Variants in CFAP52 observed in about 807,000 individuals in gnomAD.
CFAP52 encodes the protein cilia- and flagella-associated protein 52.
A neutral mutation model predicts 70.5 loss-of-function variants in CFAP52; 57 were observed. The ratio of observed to expected loss-of-function variants is 0.81; its 90% confidence interval spans 0.65 to 1.01. The LOEUF (loss-of-function observed/expected upper bound fraction) is 1.01. CFAP52 is among the 50% of genes least tolerant of loss of function. The probability of loss-of-function intolerance (pLI) is 0.00; values close to 1 mark genes in which losing one functional copy is unlikely to be tolerated. For synonymous variants in CFAP52, 267 were observed against 292.5 expected (o/e 0.91, Z 0.89); for missense variants, 785 against 788.5 (o/e 1.00, Z 0.05).
At chr17:9,588,968 T>A (rs1347813882) in intron 3 of CFAP52, among the ~76,000 whole-genome samples, 1 of 151,962 alleles carries the variant, frequency 6.6e-6, no homozygotes, top group East Asian at 1.9e-4. Context: ...CCAGGCATAG[T>A]GCCGGGGCCT....
chr17:9,593,542 A>G (rs1597771279), intron 3 of CFAP52, among the ~76,000 whole-genome samples: 2 of 151,448 alleles, frequency 1.3e-5, no homozygotes, highest in Admixed American at 6.6e-5. Flanking sequence ...TGCGACCTCC[A>G]CCTCCCGGAT....
chr17:9,588,085 G>A (rs974569681), intron 3 of CFAP52, among the ~76,000 whole-genome samples: 4 of 152,148 alleles, frequency 2.6e-5, no homozygotes, highest in African/African-American at 7.2e-5. Flanking sequence ...CATCTGTGAG[G>A]AACATGGCTG....
intron 9 of CFAP52, 23 bp from the exon 10 acceptor site, chr17:9,632,865 C>T: frequency 3.7e-6 from 6 of 1,612,558 alleles, no homozygotes; most frequent in Non-Finnish European, 5.1e-6. Context: ...TCCTGCCTGC[C>T]TTTTGTTTCC....
intron 4 of CFAP52, among the ~76,000 whole-genome samples, chr17:9,596,057 GTGTATATATA>G (rs1243892912): frequency 0.016 from 1,695 of 103,556 alleles, 27 homozygotes; most frequent in African/African-American, 0.038. Flanking sequence ...ATATATGTGT[GTGTATATATA>G]TATATATATA....
chr17:9,605,701 A>G (rs1403214875), intron 6 of CFAP52, among the ~76,000 whole-genome samples: 2 of 98,994 alleles, frequency 2.0e-5, no homozygotes, highest in Admixed American at 9.9e-5. Context: ...TCTGAAAAAA[A>G]AAAAAAAAAA....
intron 9 of CFAP52, among the ~76,000 whole-genome samples, chr17:9,631,944 A>T (rs1376699843): frequency 6.7e-6 from 1 of 149,904 alleles, no homozygotes; most frequent in Admixed American, 6.6e-5. Flanking sequence ...AATTTTTGTA[A>T]TTTTTTTTAG....
chr17:9,637,763 C>T (rs1046966994), intron 11 of CFAP52, among the ~76,000 whole-genome samples: 3 of 152,290 alleles, frequency 2.0e-5, no homozygotes, highest in Non-Finnish European at 2.9e-5. Context: ...TTAGTAGAGA[C>T]GGGGTTTCAC....
chr17:9,608,050 A>G, intron 6 of CFAP52, 69 bp from the exon 7 acceptor site: 1 of 1,294,112 alleles, frequency 7.7e-7, no homozygotes, highest in Non-Finnish European at 1.1e-6. Flanking sequence ...ATTTGGTTAC[A>G]TGAGTACATT....
rs1321282812 is a variant in CFAP52, at chr17:9,643,416, T to C, written c.*218T>C. 2.5e-6 allele frequency: 1 copy of C among 407,372 alleles called. No homozygotes were observed. Among genetic ancestry groups the C allele is most frequent in the Non-Finnish European group, 4.2e-6 (1 of 237,980 alleles). 25.2% of individuals were successfully genotyped at this position (407,372 alleles called of 1,614,324 possible). A position where few individuals can be genotyped will look rare whatever the true frequency, so the allele number is the denominator to read the frequency against. Reference sequence around the variant, plus strand: ...TTTGTGCAGACTCTAATTAGAACTTTTAACATTTTGAATAAATTCTTAGTT... The same window carrying C: ...TTTGTGCAGACTCTAATTAGAACTTCTAACATTTTGAATAAATTCTTAGTT... On this transcript the variant is annotated 3_prime_UTR_variant, in exon 14 of 14. Coordinates refer to ENST00000352665, the MANE Select transcript of CFAP52 (RefSeq NM_145054.5).
intron 8 of CFAP52, 85 bp from the exon 9 acceptor site, chr17:9,628,587 T>G (rs1910327132): frequency 1.3e-6 from 2 of 1,531,630 alleles, no homozygotes; most frequent in Admixed American, 2.0e-5. Flanking sequence ...TTTTCCTATA[T>G]TTTTGTGAAA....
chr17:9,609,103 C>T (rs1417513940), intron 7 of CFAP52, among the ~76,000 whole-genome samples: 2 of 152,070 alleles, frequency 1.3e-5, no homozygotes, highest in African/African-American at 4.8e-5. Context: ...CCCCAGGAAG[C>T]CAGGGGTAGT....
At chr17:9,596,550 G>A (rs1171414452) in intron 4 of CFAP52, among the ~76,000 whole-genome samples, 2 of 152,068 alleles carry the variant, frequency 1.3e-5, no homozygotes, top group Non-Finnish European at 2.9e-5. Context: ...ATCAAGTCCT[G>A]TGTTAGATGC....
chr17:9,577,112 G>A (rs1027903189), intron 1 of CFAP52, among the ~76,000 whole-genome samples: 1 of 152,138 alleles, frequency 6.6e-6, no homozygotes, highest in African/African-American at 2.4e-5. Flanking sequence ...TGAACCCCAC[G>A]CCGCTCGCAA....
Position 9,628,670 on chromosome 17 carries a change from A to C in CFAP52, c.1026-2A>C. Reference sequence around the variant, plus strand: ...TTGCATCTCTTGATGGCTTCCTTGCAGTGGCACTGCTGAGCTATTTGCAAC... The same window carrying C: ...TTGCATCTCTTGATGGCTTCCTTGCCGTGGCACTGCTGAGCTATTTGCAAC... On this transcript the variant is annotated splice_acceptor_variant, in intron 8 of 13. Coordinates refer to ENST00000352665, the MANE Select transcript of CFAP52 (RefSeq NM_145054.5). LOFTEE classifies it high-confidence loss of function. The C allele has an allele frequency of 1.2e-6, 2 of 1,612,190 alleles. No homozygotes were observed. Among genetic ancestry groups the C allele is most frequent in the East Asian group, 4.5e-5 (2 of 44,850 alleles).
At chr17:9,599,680 C>T (rs1909178079) in intron 5 of CFAP52, among the ~76,000 whole-genome samples, 1 of 152,100 alleles carries the variant, frequency 6.6e-6, no homozygotes. Context: ...GGAACCTCAT[C>T]CCATTCCTGA....
rs1567637283 is a variant in CFAP52, at chr17:9,636,255, A to AAG, written c.1472+701_1472+702dup. Reference sequence around the variant, plus strand: ...AGAAAGAAAGAAAGAAAGAAAGAGAAAGAAAAATAACTAATGCAGGCAGTG... The same window carrying AAG: ...AGAAAGAAAGAAAGAAAGAAAGAGAAAGAGAAAAATAACTAATGCAGGCAGTG... On this transcript the variant is annotated intron_variant, in intron 11 of 13. Transcript: ENST00000352665. Among the ~76,000 whole-genome samples, 19 of 144,280 alleles carry AAG rather than the reference A, an allele frequency of 1.3e-4. 1 individual carries two copies. The highest frequency in any genetic ancestry group is 6.9e-4 in the Admixed American group (10 of 14,418). 94.7% of individuals were successfully genotyped at this position (144,280 alleles called of 152,430 possible). A position where few individuals can be genotyped will look rare whatever the true frequency, so the allele number is the denominator to read the frequency against.
At chr17:9,631,028 A>AAGAGAG (rs761523039) in intron 9 of CFAP52, among the ~76,000 whole-genome samples, 11 of 44,736 alleles carry the variant, frequency 2.5e-4, no homozygotes, top group Admixed American at 1.0e-3. Flanking sequence ...GAAAGAAAGA[A>AAGAGAG]AGAGAGAGAG....
intron 9 of CFAP52, among the ~76,000 whole-genome samples, chr17:9,629,309 AG>A (rs1910357068): frequency 6.6e-6 from 1 of 152,222 alleles, no homozygotes; most frequent in Non-Finnish European, 1.5e-5. Flanking sequence ...CCTTTAAAAC[AG>A]TAATTTCTCA....
intron 6 of CFAP52, among the ~76,000 whole-genome samples, chr17:9,600,763 T>C (rs1460729981): frequency 6.6e-6 from 1 of 152,122 alleles, no homozygotes; most frequent in African/African-American, 2.4e-5. Flanking sequence ...AGACGGGGTT[T>C]CACTGAGCAC....
Sources: allele counts gnomAD v4.1 joint callset (sites outside exome capture counted in the v4.1 genomes callset), GRCh38; gene constraint gnomAD v4.1.1; transcripts MANE v1.5; gene names NCBI Gene and HGNC (gene_info 2026-07-23, HGNC 2026-07-21).